CA10: variants seen among roughly 807,000 people sequenced by gnomAD.
CA10 encodes the protein carbonic anhydrase 10 (inactive).
Under a neutral mutation model 44.2 loss-of-function variants are expected in CA10, and 14 were observed. The observed-to-expected ratio is 0.32, with a 90% CI of 0.21 to 0.50. The LOEUF is 0.50. CA10 is among the 20% of genes least tolerant of loss of function. CA10 has a pLI of 0.99. For synonymous variants in CA10, 159 were observed against 141.6 expected (o/e 1.12, Z -0.87); for missense variants, 350 against 409.7 (o/e 0.85, Z 1.26).
chr17:51,774,029 G>C (rs1385680484), intron 3 of CA10, among the ~76,000 whole-genome samples: 1 of 152,190 alleles, frequency 6.6e-6, no homozygotes, highest in Non-Finnish European at 1.5e-5. Context: ...CTAAGGAGAA[G>C]GGCCTCTGCT....
At chr17:51,880,984 T>C (rs1980340401) in intron 3 of CA10, among the ~76,000 whole-genome samples, 2 of 151,936 alleles carry the variant, frequency 1.3e-5, no homozygotes, top group Admixed American at 1.3e-4. Context: ...ACGCCTGTAA[T>C]CCCAGCACTT....
At chr17:51,940,968 CA>C (rs1983055928) in intron 2 of CA10, among the ~76,000 whole-genome samples, 1 of 152,044 alleles carries the variant, frequency 6.6e-6, no homozygotes, top group Non-Finnish European at 1.5e-5. Context: ...TTTTATTCAC[CA>C]AGTCATGGAG....
chr17:52,078,263 G>A (rs1338910224), intron 1 of CA10, among the ~76,000 whole-genome samples: 3 of 152,248 alleles, frequency 2.0e-5, no homozygotes, highest in Non-Finnish European at 4.4e-5. Context: ...TTGAGGTAGG[G>A]AAGGAAATGG....
intron 3 of CA10, among the ~76,000 whole-genome samples, chr17:51,793,889 A>G (rs952700451): frequency 6.6e-6 from 1 of 152,188 alleles, no homozygotes; most frequent in African/African-American, 2.4e-5. Flanking sequence ...CCAATGCCTG[A>G]GCATGCTCAG....
intron 3 of CA10, among the ~76,000 whole-genome samples, chr17:51,841,002 G>C (rs1053668997): frequency 1.3e-5 from 2 of 151,946 alleles, no homozygotes; most frequent in Admixed American, 6.5e-5. Flanking sequence ...ATTCTGGAAG[G>C]CTAAGTGATG....
intron 3 of CA10, among the ~76,000 whole-genome samples, chr17:51,849,359 A>G (rs1978688083): frequency 6.6e-6 from 1 of 150,672 alleles, no homozygotes; most frequent in Non-Finnish European, 1.5e-5. Flanking sequence ...AGATACACTT[A>G]ATAAAATGTT....
intron 8 of CA10, among the ~76,000 whole-genome samples, chr17:51,633,217 A>G (rs983245137): frequency 6.6e-6 from 1 of 152,172 alleles, no homozygotes; most frequent in Non-Finnish European, 1.5e-5. Context: ...ACACCTTGCC[A>G]TCTACCTACC....
rs1034374878 is a variant in CA10 at position 51,820,411 on chromosome 17, C to T, written c.280-72593G>A. Among the ~76,000 whole-genome samples, 5 of 92,196 alleles carry T rather than the reference C, an allele frequency of 5.4e-5. 1 individual carries two copies. The highest frequency in any genetic ancestry group is 1.5e-4 in the African/African-American group (3 of 20,546). 60.5% of individuals were successfully genotyped at this position (92,196 alleles called of 152,430 possible). A position where few individuals can be genotyped will look rare whatever the true frequency, so the allele number is the denominator to read the frequency against. ...TAAACCTGGGGATTCCCCTACCCCC[C>T]CCCCCCCGCCCGCCGATTTTCCTGT... On this transcript the variant is annotated intron_variant, in intron 3 of 8. Transcript: ENST00000451037.
chr17:51,695,316 T>A (rs1319838593), intron 4 of CA10, among the ~76,000 whole-genome samples: 1 of 119,220 alleles, frequency 8.4e-6, no homozygotes, highest in Non-Finnish European at 1.7e-5. Context: ...GTTTCCTGTA[T>A]GATTTCTTTC....
intron 3 of CA10, chr17:51,762,661 A>G (rs1905248423): frequency 6.6e-6 from 1 of 152,084 alleles, no homozygotes; most frequent in African/African-American, 2.4e-5. Flanking sequence ...TCTATTATTT[A>G]CTTTCCACCA....
chr17:52,001,905 G>A (rs1311217269), intron 2 of CA10, among the ~76,000 whole-genome samples: 1 of 151,954 alleles, frequency 6.6e-6, no homozygotes, highest in Non-Finnish European at 1.5e-5. Flanking sequence ...GCTCAGGGCA[G>A]CCTTCCATTT....
At chr17:51,949,015 G>A (rs1983386416) in intron 2 of CA10, among the ~76,000 whole-genome samples, 1 of 151,946 alleles carries the variant, frequency 6.6e-6, no homozygotes, top group African/African-American at 2.4e-5. Flanking sequence ...TCATATATAA[G>A]AAAAATAAAT....
chr17:52,104,500 G>A (rs1183913167), intron 1 of CA10, among the ~76,000 whole-genome samples: 2 of 151,968 alleles, frequency 1.3e-5, no homozygotes, highest in Non-Finnish European at 2.9e-5. Flanking sequence ...CACTGTGCCT[G>A]GCCCTCCTGC....
intron 3 of CA10, among the ~76,000 whole-genome samples, chr17:51,786,633 A>G (rs571652506): frequency 3.6e-4 from 55 of 152,146 alleles, no homozygotes; most frequent in African/African-American, 1.2e-3. Context: ...GATGCCCTTT[A>G]TATCTTTCTC....
chr17:52,040,553 G>A (rs1489487694), intron 2 of CA10, among the ~76,000 whole-genome samples: 2 of 151,968 alleles, frequency 1.3e-5, no homozygotes, highest in Admixed American at 1.3e-4. Flanking sequence ...CATAAAAAGT[G>A]GTTTTCAGAC....
At chr17:51,890,022 C>T (rs1333728007) in intron 3 of CA10, among the ~76,000 whole-genome samples, 3 of 152,104 alleles carry the variant, frequency 2.0e-5, no homozygotes, top group African/African-American at 7.2e-5. Context: ...TTAGGCAGCT[C>T]AATTCACTTA....
intron 3 of CA10, among the ~76,000 whole-genome samples, chr17:51,769,698 A>G (rs4794303): frequency 0.22 from 33,960 of 152,070 alleles, 4,207 homozygotes; most frequent in Middle Eastern, 0.37. Flanking sequence ...GAAAAAGTGT[A>G]TTCAATATAG....
At position 51,696,397 on chromosome 17, in the gene CA10, T is replaced by G. The variant is rs576723582; in HGVS notation, c.466-42661A>C. Among the ~76,000 whole-genome samples, 12 of 152,302 alleles carry G rather than the reference T, an allele frequency of 7.9e-5. No individual in the cohort carries two copies. In the South Asian group the frequency reaches 2.5e-3, roughly 32 times the overall value. The stretch of plus-strand genomic sequence containing the variant: ...TTTAATCTTGGGAGGTTGCGTGTTT[T>G]CAGAAATTTATGTATTTCTGTGGGA... On this transcript the variant is annotated intron_variant, in intron 4 of 8. Coordinates refer to ENST00000451037, the MANE Select transcript of CA10 (RefSeq NM_020178.5).
rs1213646664 is a variant in CA10, at chr17:51,931,058, T to C, written c.211A>G (p.Ile71Val). The C allele has an allele frequency of 1.9e-6, 3 of 1,613,714 alleles. No homozygotes were observed. The highest frequency in any genetic ancestry group is 4.5e-5 in the East Asian group (2 of 44,848). ...SVGKRQSPVN[I>V]ETSHMIFDPF... ...TCGAAGATCATGTGACTGGTCTCTA[T>C]GTTGACTGGCGACTGCCGTTTCCCC... Residue 71 changes from isoleucine to valine, a missense_variant, in exon 3 of 9, where the codon ATA (isoleucine) becomes GTA (valine). Coordinates refer to ENST00000451037, the MANE Select transcript of CA10 (RefSeq NM_020178.5).
Sources: gnomAD v4.1 joint callset for allele counts (sites outside exome capture counted in the v4.1 genomes callset) on GRCh38, gnomAD v4.1.1 for gene constraint, MANE v1.5 for transcripts, NCBI Gene and HGNC (gene_info 2026-07-23, HGNC 2026-07-21) for gene names.